BAHCC1: variants seen among roughly 807,000 people sequenced by gnomAD.
BAHCC1 encodes the protein BAH and coiled-coil domain-containing protein 1.
In BAHCC1, 43 loss-of-function variants were observed where a neutral mutation model predicts 88.2. That is an observed-to-expected ratio of 0.49 (90% CI 0.38 to 0.63). The LOEUF is 0.63. BAHCC1 is among the 20% of genes least tolerant of loss of function. The probability of loss-of-function intolerance (pLI) is 0.00; values close to 1 mark genes in which losing one functional copy is unlikely to be tolerated. For missense variants in BAHCC1, 3,023 were observed against 1,654.8 expected (o/e 1.83, Z -14.34); for synonymous variants, 1,510 against 745.5 (o/e 2.03, Z -16.71).
rs529391401 is a variant in BAHCC1, at chr17:81,434,062, G to A, written c.359-4308G>A. On this transcript the variant is annotated intron_variant, in intron 3 of 27. Coordinates refer to ENST00000675386, the MANE Select transcript of BAHCC1 (RefSeq NM_001377448.1). The surrounding 1 kb of genome is among the most constrained non-coding windows in gnomAD (Gnocchi z 4.9). The stretch of plus-strand genomic sequence containing the variant: ...GAGCAGGGACCACTTGCCAGGCCAG[G>A]GGTCTCCCGGGACTCCCCTGGGGTC... Among the ~76,000 whole-genome samples, 1 of 152,310 alleles carries A rather than the reference G, an allele frequency of 6.6e-6. No individual in the cohort carries two copies. The highest frequency in any genetic ancestry group is 2.1e-4 in the South Asian group (1 of 4,818).
chr17:81,420,128 C>T (rs1163352444), intron 2 of BAHCC1, among the ~76,000 whole-genome samples: 9 of 152,294 alleles, frequency 5.9e-5, no homozygotes, highest in South Asian at 2.1e-4. Flanking sequence ...AGTGGCTCTC[C>T]GGGGAGTCCT....
intron 1 of BAHCC1, among the ~76,000 whole-genome samples, chr17:81,397,591 G>C (rs1336426522): frequency 6.6e-6 from 1 of 151,962 alleles, no homozygotes; most frequent in Non-Finnish European, 1.5e-5. Flanking sequence ...TCCGGGGCTC[G>C]GGAGGCGCCG....
Position 81,443,150 on chromosome 17 carries a change from A to G in BAHCC1, c.1801A>G (p.Lys601Glu), listed in dbSNP as rs782205635. Residue 601 changes from lysine to glutamate, a missense_variant, in exon 5 of 28, where the codon AAG (lysine) becomes GAG (glutamate). By Grantham distance (56) the Lys-to-Glu change is moderately conservative. Coordinates refer to ENST00000675386, the MANE Select transcript of BAHCC1 (RefSeq NM_001377448.1). Reference protein sequence around the residue: ...GTAMAISEERKAGAYLDPFGS... With the variant: ...GTAMAISEEREAGAYLDPFGS... ...CGCCATGGCCATCAGCGAGGAGCGCAAGGCTGGCGCCTACCTGGACCCCTT... is the reference window on the plus strand; with the variant it reads ...CGCCATGGCCATCAGCGAGGAGCGCGAGGCTGGCGCCTACCTGGACCCCTT... The G allele has an allele frequency of 1.3e-6, 1 of 778,300 alleles. No individual in the cohort carries two copies. Among genetic ancestry groups the G allele is most frequent in the Non-Finnish European group, 2.4e-6 (1 of 417,206 alleles). 48.2% of individuals were successfully genotyped at this position (778,300 alleles called of 1,614,324 possible).
At chr17:81,406,938 TG>T in intron 2 of BAHCC1, 1 of 456,144 alleles carries the variant, frequency 2.2e-6, no homozygotes, top group Non-Finnish European at 4.4e-6. Flanking sequence ...AGCCAGGAAG[TG>T]GGTTTTTTTC....
chr17:81,407,914 A>G (rs1439393940), intron 2 of BAHCC1, among the ~76,000 whole-genome samples: 2 of 152,202 alleles, frequency 1.3e-5, no homozygotes, highest in African/African-American at 4.8e-5. Flanking sequence ...TGGGAAAGCC[A>G]GGTTGCTTAG....
intron 11 of BAHCC1, among the ~76,000 whole-genome samples, chr17:81,448,454 C>T (rs782813731): frequency 6.6e-6 from 1 of 152,170 alleles, no homozygotes; most frequent in Non-Finnish European, 1.5e-5. Context: ...TTCGTCCACC[C>T]TGGGCCTTGG....
At position 81,465,645 on chromosome 17, in the gene BAHCC1, T is replaced by C. The variant is rs7406823; in HGVS notation, c.*1828T>C. 128,546 of 152,302 alleles carry C rather than the reference T, an allele frequency of 0.84. 54,357 individuals are homozygous for C. The highest frequency in any genetic ancestry group is 0.86 in the African/African-American group (35,768 of 41,554). The allele number at this position is 152,302 out of a possible 1,614,324, so 9.4% of individuals were successfully genotyped here. A position where few individuals can be genotyped will look rare whatever the true frequency, so the allele number is the denominator to read the frequency against. On this transcript the variant is annotated 3_prime_UTR_variant, in exon 28 of 28. Coordinates refer to ENST00000675386, the MANE Select transcript of BAHCC1 (RefSeq NM_001377448.1). ...AAGCAGGGTGCTGGTGGGTGCCCTG[T>C]ACCCCAATCCCAGGTCCCCTTGGCC...
At chr17:81,423,974 G>A (rs990898689) in intron 2 of BAHCC1, among the ~76,000 whole-genome samples, 11 of 152,206 alleles carry the variant, frequency 7.2e-5, no homozygotes, top group African/African-American at 2.4e-4. Context: ...AGCCTCTCGC[G>A]GCCTCCACCT....
At chr17:81,417,190 C>A (rs905764095) in intron 2 of BAHCC1, among the ~76,000 whole-genome samples, 6 of 152,178 alleles carry the variant, frequency 3.9e-5, no homozygotes, top group Non-Finnish European at 5.9e-5. Context: ...GGGTGTCCGT[C>A]TCCCCGCAGC....
intron 3 of BAHCC1, among the ~76,000 whole-genome samples, chr17:81,433,792 G>A (rs1555651331): frequency 6.6e-6 from 1 of 152,228 alleles, no homozygotes. Context: ...GTCAACTACA[G>A]CACTTTGTGT....
In BAHCC1 at chr17:81,447,229, G is replaced by A. The variant is rs1555654717; in HGVS notation, c.3357G>A (p.Leu1119=). The A allele has an allele frequency of 2.7e-6, 2 of 729,922 alleles. No homozygotes were observed. The highest frequency in any genetic ancestry group is 2.5e-5 in the East Asian group (1 of 40,626). 45.2% of individuals were successfully genotyped at this position (729,922 alleles called of 1,614,324 possible). ...CSPRSLEEPG[L]LSGAREATQD... The stretch of plus-strand genomic sequence containing the variant: ...CCAGGAGCCTGGAGGAGCCCGGGCT[G>A]CTCTCAGGGGCCAGGGAGGCCACCC... Residue 1119 remains leucine (L), a synonymous_variant, in exon 11 of 28, where the codon CTG becomes CTA. Coordinates refer to ENST00000675386, the MANE Select transcript of BAHCC1 (RefSeq NM_001377448.1).
intron 2 of BAHCC1, among the ~76,000 whole-genome samples, chr17:81,407,743 A>T (rs552268880): frequency 2.6e-5 from 4 of 152,338 alleles, no homozygotes; most frequent in Admixed American, 2.0e-4. Flanking sequence ...AGCGGGGTCT[A>T]GCCACAGGTT....
At position 81,441,228 on chromosome 17, in the gene BAHCC1, G is replaced by A. The variant is rs182035728; in HGVS notation, c.482-603G>A. 3.0e-4 allele frequency among the ~76,000 whole-genome samples: 45 copies of A among 152,300 alleles called. No homozygotes were observed. In the East Asian group the frequency reaches 6.5e-3, roughly 22 times the overall value. On this transcript the variant is annotated intron_variant, in intron 4 of 27. Coordinates refer to ENST00000675386, the MANE Select transcript of BAHCC1 (RefSeq NM_001377448.1). ...GAGTGTTTCACGGGGACAGAACTGC[G>A]GTTCGGGGAGGTGAGAGGTTCTGGC...
In BAHCC1 at chr17:81,421,908, T is replaced by C. The variant is rs145896255; in HGVS notation, c.179-4892T>C. Reference sequence around the variant, plus strand: ...AATTGGGGTGCAGCATGCGACCCCATGTGATACTGGAGAAGGGTATTTGCA... The same window carrying C: ...AATTGGGGTGCAGCATGCGACCCCACGTGATACTGGAGAAGGGTATTTGCA... On this transcript the variant is annotated intron_variant, in intron 2 of 27. Transcript: ENST00000675386. 521 of 398,790 alleles carry C rather than the reference T, an allele frequency of 1.3e-3. 3 individuals carry two copies. The highest frequency in any genetic ancestry group is 0.01 in the African/African-American group (493 of 47,184). The allele number at this position is 398,790 out of a possible 1,614,324, so 24.7% of individuals were successfully genotyped here. A position where few individuals can be genotyped will look rare whatever the true frequency, so the allele number is the denominator to read the frequency against.
At chr17:81,406,639 C>G (rs781850201) in intron 2 of BAHCC1, among the ~76,000 whole-genome samples, 1 of 152,232 alleles carries the variant, frequency 6.6e-6, no homozygotes, top group African/African-American at 2.4e-5. Context: ...TCACGCAGGC[C>G]TATTTGTCAG....
At chr17:81,456,877 C>T (rs1198810080) in intron 16 of BAHCC1, among the ~76,000 whole-genome samples, 1 of 152,096 alleles carries the variant, frequency 6.6e-6, no homozygotes, top group Admixed American at 6.5e-5. Context: ...TAAAAATAGC[C>T]CTCTCAACGG....
rs1555645510 is a variant in BAHCC1 at position 81,399,296 on chromosome 17, G to GC, written c.-206-234dup. On this transcript the variant is annotated intron_variant, in intron 1 of 27. Coordinates refer to ENST00000675386, the MANE Select transcript of BAHCC1 (RefSeq NM_001377448.1). The surrounding 1 kb of genome is among the most constrained non-coding windows in gnomAD (Gnocchi z 4.5). ...GCAGTGCGGCTGGGTTCCCCCGGCT[G>GC]CCCCGGGCCAAGCGTGGCCGGGACG... 5.5e-5 allele frequency: 17 copies of GC among 307,610 alleles called. No individual in the cohort carries two copies. The highest frequency in any genetic ancestry group is 3.7e-4 in the South Asian group (17 of 45,816). 19.1% of individuals were successfully genotyped at this position (307,610 alleles called of 1,614,324 possible).
chr17:81,426,238 G>C (rs2064196385), intron 2 of BAHCC1, among the ~76,000 whole-genome samples: 1 of 146,532 alleles, frequency 6.8e-6, no homozygotes, highest in African/African-American at 2.6e-5. Context: ...AGTGGTGGGT[G>C]ATGTGGTTGG....
At chr17:81,422,970 C>T in intron 2 of BAHCC1, 1 of 287,560 alleles carries the variant, frequency 3.5e-6, no homozygotes, top group Non-Finnish European at 6.8e-6. Context: ...CAGCACTTCC[C>T]TTCCCAACCC....
Sources: allele counts gnomAD v4.1 joint callset (sites outside exome capture counted in the v4.1 genomes callset), GRCh38; gene constraint gnomAD v4.1.1; non-coding constraint Gnocchi (gnomAD v3.1); transcripts MANE v1.5; gene names NCBI Gene and HGNC (gene_info 2026-07-23, HGNC 2026-07-21).